RALYL: variants seen among roughly 807,000 people sequenced by gnomAD.
The protein encoded by RALYL is RALY RNA binding protein like.
RALYL carries 29 observed loss-of-function variants against 35.1 expected under a neutral mutation model. The observed-to-expected ratio is 0.83, with a 90% confidence interval of 0.61 to 1.13. The LOEUF (loss-of-function observed/expected upper bound fraction) is 1.13, where lower values mean the gene tolerates loss of function less well. Among genes scored for constraint, RALYL ranks in the 50% most tolerant of loss-of-function variants. The pLI is 0.00. For synonymous variants in RALYL, 120 were observed against 127.6 expected (o/e 0.94, Z 0.40); for missense variants, 359 against 360.4 (o/e 1.00, Z 0.03).
chr8:84,694,736 G>A (rs531175022), intron 2 of RALYL, among the ~76,000 whole-genome samples: 5 of 151,690 alleles, frequency 3.3e-5, no homozygotes, highest in Non-Finnish European at 7.4e-5. Flanking sequence ...AAAGTGGCAT[G>A]GTACTGTCAT....
At chr8:84,904,613 A>T (rs1402259280) in intron 8 of RALYL, among the ~76,000 whole-genome samples, 1 of 151,542 alleles carries the variant, frequency 6.6e-6, no homozygotes, top group Non-Finnish European at 1.5e-5. Context: ...ATGAGAAAGA[A>T]ATAGTTCACG....
chr8:84,247,335 A>C (rs577869953), intron 1 of RALYL, among the ~76,000 whole-genome samples: 80 of 152,226 alleles, frequency 5.3e-4, no homozygotes, highest in African/African-American at 1.8e-3. Context: ...GTGATGTCTT[A>C]AACCCTTTTG....
chr8:84,284,213 T>G (rs958400469), intron 1 of RALYL, among the ~76,000 whole-genome samples: 2 of 152,006 alleles, frequency 1.3e-5, no homozygotes, highest in Admixed American at 1.3e-4. Flanking sequence ...ATACTGCATT[T>G]CCTTACCCCA....
chr8:84,534,553 C>A (rs1444116411), intron 2 of RALYL, among the ~76,000 whole-genome samples: 1 of 152,164 alleles, frequency 6.6e-6, no homozygotes, highest in Non-Finnish European at 1.5e-5. Context: ...AATGCTAACA[C>A]TTCCATGGCA....
chr8:84,605,486 G>T (rs2130803084), intron 2 of RALYL, among the ~76,000 whole-genome samples: 1 of 152,082 alleles, frequency 6.6e-6, no homozygotes, highest in East Asian at 1.9e-4. Context: ...CCATTCACCT[G>T]GTGCTCATTT....
chr8:84,509,564 T>A (rs2057438631), intron 1 of RALYL, among the ~76,000 whole-genome samples: 1 of 152,164 alleles, frequency 6.6e-6, no homozygotes, highest in Admixed American at 6.5e-5. Context: ...GATCGTGCCA[T>A]TGGTGCTGCA....
intron 1 of RALYL, among the ~76,000 whole-genome samples, chr8:84,243,873 A>G (rs1828527862): frequency 6.6e-6 from 1 of 152,132 alleles, no homozygotes; most frequent in South Asian, 2.1e-4. Context: ...CTGGGAGGAT[A>G]TAAGTCAGGA....
intron 1 of RALYL, among the ~76,000 whole-genome samples, chr8:84,190,132 A>G (rs1283439011): frequency 6.6e-6 from 1 of 152,170 alleles, no homozygotes. Context: ...TGTGATGTGG[A>G]AAATTAGTCT....
chr8:84,343,275 T>A (rs577049873), intron 1 of RALYL, among the ~76,000 whole-genome samples: 29 of 152,248 alleles, frequency 1.9e-4, no homozygotes, highest in Non-Finnish European at 2.5e-4. Context: ...TTCATGGGAC[T>A]TTTGCAGACC....
At chr8:84,694,848 G>C (rs1476029349) in intron 2 of RALYL, among the ~76,000 whole-genome samples, 1 of 151,784 alleles carries the variant, frequency 6.6e-6, no homozygotes, top group African/African-American at 2.4e-5. Context: ...TGTTGTATTT[G>C]ATATGTGTTT....
At chr8:84,449,785 T>G (rs960746091) in intron 1 of RALYL, among the ~76,000 whole-genome samples, 5 of 152,070 alleles carry the variant, frequency 3.3e-5, no homozygotes, top group African/African-American at 9.7e-5. Flanking sequence ...TCATCTAATC[T>G]TTTGAATTTG....
intron 4 of RALYL, among the ~76,000 whole-genome samples, chr8:84,820,534 T>G (rs1828290444): frequency 6.6e-6 from 1 of 152,154 alleles, no homozygotes; most frequent in South Asian, 2.1e-4. Context: ...AGTTTTGTTT[T>G]GTCTTGTTTT....
At chr8:84,727,303 TA>T (rs944145661) in intron 2 of RALYL, among the ~76,000 whole-genome samples, 6 of 152,138 alleles carry the variant, frequency 3.9e-5, no homozygotes, top group African/African-American at 1.4e-4. Context: ...AACAAGCCTG[TA>T]AGGAGTTATT....
At chr8:84,469,455 G>A (rs150879825) in intron 1 of RALYL, among the ~76,000 whole-genome samples, 10,232 of 152,242 alleles carry the variant, frequency 0.067, 349 homozygotes, top group East Asian at 0.14. Context: ...TAGGCTGCTC[G>A]GGTGTCAGGG....
chr8:84,220,629 C>T (rs1262304971), intron 1 of RALYL, among the ~76,000 whole-genome samples: 3 of 151,838 alleles, frequency 2.0e-5, no homozygotes, highest in Non-Finnish European at 4.4e-5. Flanking sequence ...ATATAATAAC[C>T]ATTTGAAACA....
chr8:84,372,197 A>C (rs1189071309), intron 1 of RALYL, among the ~76,000 whole-genome samples: 1 of 152,086 alleles, frequency 6.6e-6, no homozygotes, highest in Admixed American at 6.6e-5. Context: ...ACAAGTCAAT[A>C]ACAGCAAATA....
At chr8:84,236,809 A>G (rs747248502) in intron 1 of RALYL, among the ~76,000 whole-genome samples, 1 of 152,248 alleles carries the variant, frequency 6.6e-6, no homozygotes, top group Non-Finnish European at 1.5e-5. Flanking sequence ...GGAAACCAAA[A>G]GAAAATGGTT....
chr8:84,559,351 A>C (rs2061340886), intron 2 of RALYL, among the ~76,000 whole-genome samples: 1 of 152,096 alleles, frequency 6.6e-6, no homozygotes, highest in African/African-American at 2.4e-5. Flanking sequence ...AGCAATTAAG[A>C]ACTATATTTA....
intron 1 of RALYL, among the ~76,000 whole-genome samples, chr8:84,201,466 A>AGT (rs1319597574): frequency 6.6e-6 from 1 of 152,044 alleles, no homozygotes; most frequent in East Asian, 1.9e-4. Flanking sequence ...TATGAGTGTG[A>AGT]GTGTGTGTGG....
Sources: allele counts gnomAD v4.1 joint callset (sites outside exome capture counted in the v4.1 genomes callset), GRCh38; gene constraint gnomAD v4.1.1; transcripts MANE v1.5; gene names NCBI Gene and HGNC (gene_info 2026-07-23, HGNC 2026-07-21).